SPAG16: variants seen among roughly 807,000 people sequenced by gnomAD.
SPAG16 encodes sperm associated antigen 16.
In SPAG16, 86 loss-of-function variants were observed where a neutral mutation model predicts 80.4. The observed-to-expected ratio is 1.07, with a 90% CI of 0.90 to 1.28. SPAG16 has a LOEUF of 1.28. Ranked by LOEUF, SPAG16 falls within the 50% of genes most tolerant of loss-of-function variation. The pLI is 0.00. For missense variants in SPAG16, 870 were observed against 765.3 expected (o/e 1.14, Z -1.61); for synonymous variants, 294 against 265.9 (o/e 1.11, Z -1.03).
intron 9 of SPAG16, among the ~76,000 whole-genome samples, chr2:213,404,286 C>T (rs2068489950): frequency 6.6e-6 from 1 of 152,204 alleles, no homozygotes; most frequent in African/African-American, 2.4e-5. Context: ...CTGGAGGCAT[C>T]ACTCTACCTG....
chr2:213,915,467 T>C (rs1230421442), intron 11 of SPAG16, among the ~76,000 whole-genome samples: 2 of 152,220 alleles, frequency 1.3e-5, no homozygotes, highest in Admixed American at 1.3e-4. Context: ...ACTCATACTT[T>C]TTATGGCTGC....
chr2:214,044,222 A>T (rs769046755), intron 13 of SPAG16, among the ~76,000 whole-genome samples: 6 of 152,218 alleles, frequency 3.9e-5, no homozygotes, highest in Non-Finnish European at 7.3e-5. Context: ...TAATTTATAA[A>T]GGACTAAGAA....
chr2:213,714,899 C>T (rs1207967657), intron 10 of SPAG16, among the ~76,000 whole-genome samples: 3 of 152,156 alleles, frequency 2.0e-5, no homozygotes, highest in African/African-American at 7.2e-5. Context: ...ACCCAACCCC[C>T]ACTAAGTAGG....
intron 10 of SPAG16, among the ~76,000 whole-genome samples, chr2:213,703,480 A>AT (rs2065594432): frequency 6.6e-6 from 1 of 152,172 alleles, no homozygotes; most frequent in African/African-American, 2.4e-5. Context: ...AATTCACTGT[A>AT]TTTTTGCAGA....
intron 9 of SPAG16, among the ~76,000 whole-genome samples, chr2:213,423,334 A>G (rs2125446255): frequency 6.6e-6 from 1 of 152,334 alleles, no homozygotes; most frequent in South Asian, 2.1e-4. Flanking sequence ...TCCTAACATT[A>G]GATATAAACA....
chr2:214,329,853 G>A (rs556166278), intron 15 of SPAG16, among the ~76,000 whole-genome samples: 3 of 152,262 alleles, frequency 2.0e-5, no homozygotes, highest in Admixed American at 6.5e-5. Flanking sequence ...TAGCAAAGGT[G>A]TCAACTTTGC....
At chr2:213,676,004 C>A (rs1210512982) in intron 10 of SPAG16, among the ~76,000 whole-genome samples, 1 of 152,142 alleles carries the variant, frequency 6.6e-6, no homozygotes, top group East Asian at 1.9e-4. Context: ...GATATTGATT[C>A]TTCCTACCCA....
chr2:214,032,878 A>G (rs2048487022), intron 13 of SPAG16, among the ~76,000 whole-genome samples: 1 of 152,184 alleles, frequency 6.6e-6, no homozygotes, highest in African/African-American at 2.4e-5. Flanking sequence ...GGCATAATCT[A>G]AGCCTCAGGA....
chr2:213,339,163 T>C (rs888246354), intron 5 of SPAG16, among the ~76,000 whole-genome samples: 1 of 152,230 alleles, frequency 6.6e-6, no homozygotes, highest in Non-Finnish European at 1.5e-5. Flanking sequence ...CTTTATCTCA[T>C]AAACATCTTT....
Position 213,350,613 on chromosome 2 carries a change from ACCT to A in SPAG16, c.734_736del (p.Ser245del). The A allele has an allele frequency of 1.2e-6, 2 of 1,602,374 alleles. No homozygotes were observed. Among genetic ancestry groups the A allele is most frequent in the Non-Finnish European group, 1.7e-6 (2 of 1,176,058 alleles). ...CACTTTACTGAAGGAGAAAATGCTG[ACCT>A]CCTTGGAAAGAGACAAAGTAGTTGG... On this transcript the variant is annotated inframe_deletion, in exon 7 of 16. Transcript: ENST00000331683.
intron 10 of SPAG16, 26 bp from the exon 11 acceptor site, chr2:213,862,459 A>T: frequency 6.2e-7 from 1 of 1,610,212 alleles, no homozygotes; most frequent in Non-Finnish European, 8.5e-7. Flanking sequence ...TCTCCCCATA[A>T]CTCTTTTTTC....
intron 10 of SPAG16, among the ~76,000 whole-genome samples, chr2:213,490,381 G>C (rs2074186568): frequency 6.6e-6 from 1 of 152,048 alleles, no homozygotes. Context: ...TTAAAGATAG[G>C]ATCTCAGCAA....
chr2:214,248,116 A>C (rs1559153992), intron 15 of SPAG16, among the ~76,000 whole-genome samples: 1 of 151,998 alleles, frequency 6.6e-6, no homozygotes, highest in East Asian at 1.9e-4. Context: ...TCTAGTTCAG[A>C]TATAAAAGTA....
intron 10 of SPAG16, among the ~76,000 whole-genome samples, chr2:213,634,451 T>G (rs1328877632): frequency 6.6e-6 from 1 of 152,184 alleles, no homozygotes; most frequent in Non-Finnish European, 1.5e-5. Context: ...TTAAAGAAGT[T>G]CACATGCCAC....
chr2:214,374,402 T>C (rs886678884), intron 15 of SPAG16, among the ~76,000 whole-genome samples: 4 of 152,172 alleles, frequency 2.6e-5, no homozygotes, highest in Admixed American at 2.6e-4. Flanking sequence ...GGACAGGGAA[T>C]TTTAGGAGTT....
chr2:213,858,892 A>C (rs2105933894), intron 10 of SPAG16, among the ~76,000 whole-genome samples: 1 of 152,166 alleles, frequency 6.6e-6, no homozygotes, highest in Non-Finnish European at 1.5e-5. Flanking sequence ...ATAAAAAATA[A>C]AAAGTCCGCC....
Position 213,973,612 on chromosome 2 carries a change from T to G in SPAG16, c.1401-40339T>G, listed in dbSNP as rs147360779. ...GGGCGAGTAAGAATGCCACAATTTTTGGCTACCATTTTTAAATTGCCCCCT... is the reference window on the plus strand; with the variant it reads ...GGGCGAGTAAGAATGCCACAATTTTGGGCTACCATTTTTAAATTGCCCCCT... On this transcript the variant is annotated intron_variant, in intron 12 of 15. Transcript: ENST00000331683. 2.5e-3 allele frequency among the ~76,000 whole-genome samples: 375 copies of G among 151,272 alleles called. 5 individuals carry two copies. The highest frequency in any genetic ancestry group is 8.6e-3 in the South Asian group (41 of 4,792).
chr2:213,924,780 T>C (rs953838748), intron 11 of SPAG16, among the ~76,000 whole-genome samples: 5 of 152,244 alleles, frequency 3.3e-5, no homozygotes, highest in African/African-American at 9.6e-5. Context: ...TTGTCTTTTA[T>C]GTCTTTTAGC....
At position 213,493,194 on chromosome 2, in the gene SPAG16, G is replaced by C. The variant is rs570845302; in HGVS notation, c.1070+3104G>C. The stretch of plus-strand genomic sequence containing the variant: ...ATGATTTGGGCAAAATGCATGACAA[G>C]CACGACCTAGGATAATTGCTATAAA... On this transcript the variant is annotated intron_variant, in intron 10 of 15. Transcript: ENST00000331683. 2.2e-4 allele frequency among the ~76,000 whole-genome samples: 34 copies of C among 152,286 alleles called. No homozygotes were observed. The South Asian group carries it at 4.2e-3, about 19-fold the overall frequency.
Sources: allele counts gnomAD v4.1 joint callset (sites outside exome capture counted in the v4.1 genomes callset), GRCh38; gene constraint gnomAD v4.1.1; transcripts MANE v1.5; gene names NCBI Gene and HGNC (gene_info 2026-07-23, HGNC 2026-07-21).